Variants in EBF1 observed in about 807,000 individuals in gnomAD.
The protein encoded by EBF1 is transcription factor COE1.
A neutral mutation model predicts 68.4 loss-of-function variants in EBF1; 10 were observed. That is an observed-to-expected ratio of 0.15 (90% CI 0.09 to 0.25). EBF1 has a LOEUF of 0.25. EBF1 is among the 10% of genes least tolerant of loss of function. The pLI, the probability that EBF1 is intolerant of heterozygous loss-of-function variation, is 1.00. For missense variants in EBF1, 509 were observed against 794.4 expected (o/e 0.64, Z 4.32); for synonymous variants, 298 against 299.8 (o/e 0.99, Z 0.06).
intron 6 of EBF1, among the ~76,000 whole-genome samples, chr5:159,032,952 G>A (rs1027348158): frequency 6.6e-6 from 1 of 151,846 alleles, no homozygotes; most frequent in Non-Finnish European, 1.5e-5. Context: ...AAAAAATCAA[G>A]TATTCTATTC....
intron 6 of EBF1, among the ~76,000 whole-genome samples, chr5:159,068,528 T>G (rs1777257382): frequency 6.6e-6 from 1 of 152,120 alleles, no homozygotes. Flanking sequence ...ATTAGCTTGG[T>G]GATAAGGCAA....
rs1376149888 is a variant in EBF1 at position 158,696,221 on chromosome 5, C to A, written c.*2890G>T. The A allele has an allele frequency of 1.4e-5, 3 of 218,044 alleles. No individual in the cohort carries two copies. Among genetic ancestry groups the A allele is most frequent in the Middle Eastern group, 1.4e-3 (1 of 726 alleles). The allele number at this position is 218,044 out of a possible 1,614,324, so 13.5% of individuals were successfully genotyped here. A position where few individuals can be genotyped will look rare whatever the true frequency, so the allele number is the denominator to read the frequency against. On this transcript the variant is annotated 3_prime_UTR_variant, in exon 16 of 16. Transcript: ENST00000313708. The stretch of plus-strand genomic sequence containing the variant: ...CCAACACTGAAATCTTAATTTAATT[C>A]TTCATTTCATTTTCTTCTTAAAGCC...
intron 10 of EBF1, among the ~76,000 whole-genome samples, chr5:158,760,155 C>G (rs539890883): frequency 6.6e-6 from 1 of 152,250 alleles, no homozygotes; most frequent in Non-Finnish European, 1.5e-5. Context: ...AAATTCATGA[C>G]TTATGAACTT....
At position 158,988,230 on chromosome 5, in the gene EBF1, GC is replaced by G. The variant is rs985417968; in HGVS notation, c.554+85165del. Among the ~76,000 whole-genome samples the G allele has an allele frequency of 9.2e-5, 14 of 152,180 alleles. No homozygotes were observed. In the South Asian group the frequency reaches 2.1e-3, roughly 23 times the overall value. On this transcript the variant is annotated intron_variant, in intron 6 of 15. Transcript: ENST00000313708. ...AAGTCTGTTATTTTTCCTGCCCAGT[GC>G]CCCCCCTTCTCTTCGTAATTGTACT...
At chr5:158,807,046 T>C (rs933392451) in intron 8 of EBF1, among the ~76,000 whole-genome samples, 6 of 152,180 alleles carry the variant, frequency 3.9e-5, no homozygotes, top group Non-Finnish European at 8.8e-5. Flanking sequence ...GGCTAGTAGC[T>C]ATCATATTGG....
At chr5:159,033,360 A>G (rs1769330235) in intron 6 of EBF1, among the ~76,000 whole-genome samples, 1 of 152,246 alleles carries the variant, frequency 6.6e-6, no homozygotes, top group African/African-American at 2.4e-5. Flanking sequence ...TCTGAACTCA[A>G]ATGAATGTTT....
At chr5:158,825,741 A>G (rs1785959836) in intron 7 of EBF1, among the ~76,000 whole-genome samples, 1 of 152,162 alleles carries the variant, frequency 6.6e-6, no homozygotes, top group Admixed American at 6.5e-5. Context: ...AATTGGAAAA[A>G]AGATAATACA....
intron 4 of EBF1, among the ~76,000 whole-genome samples, chr5:159,087,465 T>C (rs1193408658): frequency 2.0e-5 from 3 of 150,134 alleles, no homozygotes; most frequent in Non-Finnish European, 4.4e-5. Flanking sequence ...CACACACACA[T>C]ATATACACAC....
chr5:158,900,065 C>A (rs1802970710), intron 6 of EBF1, among the ~76,000 whole-genome samples: 1 of 152,140 alleles, frequency 6.6e-6, no homozygotes, highest in South Asian at 2.1e-4. Flanking sequence ...CCGGCTTGGG[C>A]TCCCTCCAGA....
chr5:158,728,956 CATGATTAATTATCCCCATTTTATCA>C (rs1006500103), intron 11 of EBF1, among the ~76,000 whole-genome samples: 1 of 152,210 alleles, frequency 6.6e-6, no homozygotes, highest in African/African-American at 2.4e-5. Context: ...TATGAGTTAG[CATGATTAATTATCCCCATTTTATCA>C]ATGAAGAAAC....
At chr5:159,080,510 G>GT (rs1382968533) in intron 5 of EBF1, among the ~76,000 whole-genome samples, 2 of 152,256 alleles carry the variant, frequency 1.3e-5, no homozygotes, top group East Asian at 3.9e-4. Context: ...AATGAACAAA[G>GT]TGCATGAATG....
intron 6 of EBF1, among the ~76,000 whole-genome samples, chr5:158,978,818 AC>A (rs1757319731): frequency 6.7e-6 from 1 of 149,324 alleles, no homozygotes; most frequent in Non-Finnish European, 1.5e-5. Context: ...ACACACACAC[AC>A]ACACACACAC....
intron 6 of EBF1, among the ~76,000 whole-genome samples, chr5:158,976,684 T>A (rs1211135901): frequency 2.0e-5 from 3 of 152,204 alleles, no homozygotes; most frequent in Non-Finnish European, 2.9e-5. Flanking sequence ...CCATAAAATG[T>A]AACCTAAAAA....
At chr5:159,027,954 C>A (rs551572063) in intron 6 of EBF1, among the ~76,000 whole-genome samples, 1 of 152,278 alleles carries the variant, frequency 6.6e-6, no homozygotes, top group African/African-American at 2.4e-5. Context: ...AACTTTAGCC[C>A]ATTTATCTTC....
intron 6 of EBF1, among the ~76,000 whole-genome samples, chr5:158,892,274 A>C (rs1801324922): frequency 1.3e-5 from 2 of 152,128 alleles, no homozygotes; most frequent in African/African-American, 2.4e-5. Context: ...GGATCACTTG[A>C]GATCAGGAGT....
intron 6 of EBF1, among the ~76,000 whole-genome samples, chr5:158,850,429 C>T (rs1375673957): frequency 6.6e-6 from 1 of 152,150 alleles, no homozygotes; most frequent in Non-Finnish European, 1.5e-5. Flanking sequence ...AAGTACAGTT[C>T]TCATGCTGTC....
chr5:158,718,209 G>A (rs1343221616), intron 11 of EBF1, among the ~76,000 whole-genome samples: 3 of 152,146 alleles, frequency 2.0e-5, no homozygotes, highest in Admixed American at 6.5e-5. Flanking sequence ...GCAACTTTCA[G>A]GGCACATTAT....
chr5:158,969,042 C>T (rs1045190159), intron 6 of EBF1, among the ~76,000 whole-genome samples: 2 of 152,192 alleles, frequency 1.3e-5, no homozygotes, highest in African/African-American at 4.8e-5. Context: ...TTGCTCACGC[C>T]TGTAATCCCA....
At chr5:158,936,165 C>A (rs1285738446) in intron 6 of EBF1, among the ~76,000 whole-genome samples, 2 of 152,140 alleles carry the variant, frequency 1.3e-5, no homozygotes, top group African/African-American at 2.4e-5. Flanking sequence ...CCAAGACCAG[C>A]AAAGGGGAGG....
Sources: gnomAD v4.1 joint callset for allele counts (sites outside exome capture counted in the v4.1 genomes callset) on GRCh38, gnomAD v4.1.1 for gene constraint, MANE v1.5 for transcripts, NCBI Gene and HGNC (gene_info 2026-07-23, HGNC 2026-07-21) for gene names.